PELI2: variants seen among roughly 807,000 people sequenced by gnomAD.
The protein encoded by PELI2 is pellino E3 ubiquitin protein ligase family member 2.
Under a neutral mutation model 42.3 loss-of-function variants are expected in PELI2, and 23 were observed. That is an observed-to-expected ratio of 0.54 (90% CI 0.39 to 0.77). The LOEUF (loss-of-function observed/expected upper bound fraction) is 0.77, where lower values mean the gene tolerates loss of function less well. Ranked by LOEUF, PELI2 falls within the 30% of genes least tolerant of loss-of-function variation. The pLI, the probability that PELI2 is intolerant of heterozygous loss-of-function variation, is 0.00. For missense variants in PELI2, 463 were observed against 553.2 expected (o/e 0.84, Z 1.64); for synonymous variants, 245 against 212.2 (o/e 1.15, Z -1.34).
chr14:56,247,433 C>T (rs536612048), intron 2 of PELI2, among the ~76,000 whole-genome samples: 2 of 152,270 alleles, frequency 1.3e-5, no homozygotes, highest in South Asian at 2.1e-4. Flanking sequence ...ACTGCTTGAG[C>T]ATAGATCTTT....
chr14:56,218,723 GTGTT>G (rs1479163897), intron 2 of PELI2, among the ~76,000 whole-genome samples: 2 of 151,076 alleles, frequency 1.3e-5, no homozygotes, highest in Non-Finnish European at 3.0e-5. Flanking sequence ...GTGTGTGTGT[GTGTT>G]TGAGAGAGAG....
At chr14:56,200,640 T>A (rs188990729) in intron 2 of PELI2, among the ~76,000 whole-genome samples, 1 of 152,312 alleles carries the variant, frequency 6.6e-6, no homozygotes, top group East Asian at 1.9e-4. Context: ...AATATTGGCT[T>A]TTTGATTTCT....
intron 1 of PELI2, among the ~76,000 whole-genome samples, chr14:56,163,830 A>G (rs1594599616): frequency 6.6e-6 from 1 of 152,010 alleles, no homozygotes; most frequent in Non-Finnish European, 1.5e-5. Flanking sequence ...TGTAAATGGG[A>G]TTACGTTTAA....
chr14:56,207,357 A>G (rs1048180623), intron 2 of PELI2, among the ~76,000 whole-genome samples: 4 of 152,138 alleles, frequency 2.6e-5, no homozygotes, highest in African/African-American at 4.8e-5. Context: ...AATTGCTCCA[A>G]CAGATATTTT....
At chr14:56,220,493 T>C (rs1215165710) in intron 2 of PELI2, among the ~76,000 whole-genome samples, 3 of 152,218 alleles carry the variant, frequency 2.0e-5, no homozygotes, top group African/African-American at 7.2e-5. Context: ...ATAGCTTCCC[T>C]GTGTTTTGGC....
intron 2 of PELI2, among the ~76,000 whole-genome samples, chr14:56,204,962 G>A (rs1219471852): frequency 6.6e-6 from 1 of 151,234 alleles, no homozygotes; most frequent in Non-Finnish European, 1.5e-5. Flanking sequence ...CATGGGAGGC[G>A]GAGGGTGCAG....
intron 2 of PELI2, 93 bp from the exon 3 acceptor site, chr14:56,279,582 CT>C: frequency 1.5e-6 from 1 of 654,332 alleles, no homozygotes; most frequent in Non-Finnish European, 2.6e-6. Context: ...TTGTGCTGGG[CT>C]TTGCCAGTAG....
In PELI2 at chr14:56,131,564, A is replaced by G. The variant is rs1469229825; in HGVS notation, c.77+12827A>G. On this transcript the variant is annotated intron_variant, in intron 1 of 5. Transcript: ENST00000267460. ...AGGTTCTGCTAATGTAATAAGCGAC[A>G]CAAGGGTGAAACCTGAGTAGTTTAC... Among the ~76,000 whole-genome samples, 3 of 152,274 alleles carry G rather than the reference A, an allele frequency of 2.0e-5. No individual in the cohort carries two copies. In the East Asian group the frequency reaches 5.8e-4, roughly 29 times the overall value.
rs144223759 is a variant in PELI2 at position 56,157,365 on chromosome 14, T to G, written c.78-20970T>G. ...TTCTAATATTTTCTAATCTCATGGT[T>G]CAGCTATTAGTTATATGTAGATATT... On this transcript the variant is annotated intron_variant, in intron 1 of 5. Coordinates refer to ENST00000267460, the MANE Select transcript of PELI2 (RefSeq NM_021255.3). Among the ~76,000 whole-genome samples the G allele has an allele frequency of 9.1e-3, 1,389 of 152,340 alleles. 8 individuals carry two copies. Among genetic ancestry groups the G allele is most frequent in the Non-Finnish European group, 0.013 (895 of 68,026 alleles).
chr14:56,270,095 A>G (rs1447675992), intron 2 of PELI2, among the ~76,000 whole-genome samples: 3 of 152,206 alleles, frequency 2.0e-5, no homozygotes, highest in Non-Finnish European at 4.4e-5. Flanking sequence ...CTTGCGTGCC[A>G]TAGATTCTGT....
At chr14:56,245,079 C>T (rs1290473337) in intron 2 of PELI2, among the ~76,000 whole-genome samples, 2 of 152,210 alleles carry the variant, frequency 1.3e-5, no homozygotes, top group South Asian at 2.1e-4. Context: ...TCCCACTTCT[C>T]TTAATTCGAA....
At chr14:56,228,228 A>G (rs972187056) in intron 2 of PELI2, among the ~76,000 whole-genome samples, 2 of 152,232 alleles carry the variant, frequency 1.3e-5, no homozygotes, top group Non-Finnish European at 2.9e-5. Context: ...TGACAGGAAC[A>G]TTATTATTTG....
In PELI2 at chr14:56,151,876, C is replaced by G. The variant is rs545761061; in HGVS notation, c.78-26459C>G. The stretch of plus-strand genomic sequence containing the variant: ...TCTTAACAAAGATACCCCAATGACA[C>G]CTAAGTCTTATAGTTGAAATTTAGT... On this transcript the variant is annotated intron_variant, in intron 1 of 5. Coordinates refer to ENST00000267460, the MANE Select transcript of PELI2 (RefSeq NM_021255.3). Among the ~76,000 whole-genome samples, 6 of 152,274 alleles carry G rather than the reference C, an allele frequency of 3.9e-5. No individual in the cohort carries two copies. The East Asian group carries it at 9.6e-4, about 24-fold the overall frequency.
chr14:56,132,166 AAAT>A (rs1883510661), intron 1 of PELI2, among the ~76,000 whole-genome samples: 1 of 152,202 alleles, frequency 6.6e-6, no homozygotes, highest in South Asian at 2.1e-4. Context: ...ACAAATGAGG[AAAT>A]GCTGATGCCC....
chr14:56,181,840 A>ATGTGTGTG (rs3042510), intron 2 of PELI2, among the ~76,000 whole-genome samples: 14 of 148,362 alleles, frequency 9.4e-5, no homozygotes, highest in South Asian at 6.5e-4. Context: ...TGATTATGTA[A>ATGTGTGTG]TGTGTGTGTG....
intron 2 of PELI2, among the ~76,000 whole-genome samples, chr14:56,276,956 C>T (rs10131954): frequency 6.6e-6 from 1 of 152,160 alleles, no homozygotes; most frequent in Non-Finnish European, 1.5e-5. Context: ...TGGGCAGTTT[C>T]CAGGTAATGT....
chr14:56,282,679 T>A (rs1324645601), intron 3 of PELI2, among the ~76,000 whole-genome samples: 1 of 152,058 alleles, frequency 6.6e-6, no homozygotes, highest in African/African-American at 2.4e-5. Context: ...TTATCATGTT[T>A]GGGCAAAATA....
chr14:56,223,119 C>G (rs1362392169), intron 2 of PELI2, among the ~76,000 whole-genome samples: 1 of 152,168 alleles, frequency 6.6e-6, no homozygotes, highest in Non-Finnish European at 1.5e-5. Flanking sequence ...TCCACCTCTA[C>G]AGCCTGTGGC....
intron 2 of PELI2, among the ~76,000 whole-genome samples, chr14:56,244,288 C>G (rs1888074483): frequency 6.6e-6 from 1 of 152,300 alleles, no homozygotes; most frequent in South Asian, 2.1e-4. Flanking sequence ...AATCGTTGAT[C>G]AAATACTGCT....
Sources: gnomAD v4.1 joint callset for allele counts (sites outside exome capture counted in the v4.1 genomes callset) on GRCh38, gnomAD v4.1.1 for gene constraint, MANE v1.5 for transcripts, NCBI Gene and HGNC (gene_info 2026-07-23, HGNC 2026-07-21) for gene names.